The following CIRSR variants were observed in gnomAD, a reference collection of about 807,000 sequenced individuals.
CIRSR encodes the protein corepressor of RBPJ and splicing regulator.
chr2:174,368,235 TAATAG>T, the CIRSR span, among the ~76,000 whole-genome samples: 53,065 of 151,904 alleles, frequency 0.35, 10,599 homozygotes, highest in Non-Finnish European at 0.47. Context: ...GTACTAACAT[TAATAG>T]AATACTTCCT....
the CIRSR span, among the ~76,000 whole-genome samples, chr2:174,383,715 G>A: frequency 1.1e-4 from 10 of 93,486 alleles, no homozygotes; most frequent in African/African-American, 2.6e-4. Flanking sequence ...GTGAGACTCC[G>A]TCTCAAAAAA....
chr2:174,384,741 T>A, the CIRSR span, among the ~76,000 whole-genome samples: 72,691 of 150,836 alleles, frequency 0.48, 17,940 homozygotes, highest in Middle Eastern at 0.63. Context: ...TGAAAAAAAA[T>A]AATAATAAAA....
At chr2:174,348,698 C>T in the CIRSR span, 1 of 1,614,212 alleles carries the variant, frequency 6.2e-7, no homozygotes. Context: ...GGCTCCTTTC[C>T]TCCCTGCCGT....
chr2:174,357,604 G>A, the CIRSR span, among the ~76,000 whole-genome samples: 4 of 152,092 alleles, frequency 2.6e-5, no homozygotes, highest in African/African-American at 4.8e-5. Context: ...TATATCTAGC[G>A]AATAAGCCAG....
the CIRSR span, among the ~76,000 whole-genome samples, chr2:174,374,244 C>G: frequency 6.6e-6 from 1 of 152,186 alleles, no homozygotes; most frequent in Non-Finnish European, 1.5e-5. Flanking sequence ...GTCAACCTTT[C>G]TTTCTACCTA....
the CIRSR span, chr2:174,348,236 CA>C: frequency 2.6e-6 from 1 of 390,940 alleles, no homozygotes; most frequent in African/African-American, 2.1e-5. Flanking sequence ...GTATGGGGAA[CA>C]AGAAACAGTT....
chr2:174,349,499 A>G, the CIRSR span, among the ~76,000 whole-genome samples: 3 of 141,272 alleles, frequency 2.1e-5, no homozygotes, highest in African/African-American at 7.8e-5. Context: ...CGGGAGGCGG[A>G]GGTTGCAGTG....
chr2:174,381,666 A>G, the CIRSR span: 3 of 1,530,312 alleles, frequency 2.0e-6, no homozygotes, highest in South Asian at 2.4e-5. Flanking sequence ...CAGAAAAAAA[A>G]AAAAGAAAGA....
the CIRSR span, among the ~76,000 whole-genome samples, chr2:174,355,288 T>C: frequency 2.0e-5 from 3 of 152,226 alleles, no homozygotes; most frequent in Admixed American, 6.5e-5. Flanking sequence ...GCCTTAATAA[T>C]TTCAATTATA....
chr2:174,380,619 A>G, the CIRSR span: 3 of 1,581,014 alleles, frequency 1.9e-6, no homozygotes, highest in South Asian at 2.3e-5. Flanking sequence ...TTAATGATAC[A>G]TATCTTGTCT....
the CIRSR span, among the ~76,000 whole-genome samples, chr2:174,371,673 T>C: frequency 1.4e-4 from 21 of 152,258 alleles, no homozygotes; most frequent in Non-Finnish European, 2.4e-4. Context: ...TGCTGGTCTC[T>C]GTAAACCTCA....
chr2:174,348,994 CTTTA>C, the CIRSR span: 3 of 1,591,590 alleles, frequency 1.9e-6, no homozygotes, highest in Non-Finnish European at 2.6e-6. Flanking sequence ...ATTTTTTTTT[CTTTA>C]TTGTTACTCT....
the CIRSR span, among the ~76,000 whole-genome samples, chr2:174,370,883 C>A: frequency 6.7e-6 from 1 of 149,544 alleles, no homozygotes; most frequent in Non-Finnish European, 1.5e-5. Context: ...TGCAATCCAT[C>A]CTGGGTGACA....
At chr2:174,370,970 T>TCA in the CIRSR span, among the ~76,000 whole-genome samples, 843 of 151,698 alleles carry the variant, frequency 5.6e-3, 18 homozygotes, top group East Asian at 8.3e-3. Context: ...GGGGCAGGTA[T>TCA]CAGTGGTTTT....
chr2:174,379,463 T>C, the CIRSR span, among the ~76,000 whole-genome samples: 3 of 152,176 alleles, frequency 2.0e-5, no homozygotes, highest in African/African-American at 4.8e-5. Context: ...GGGACAGATG[T>C]TGTCTATTCT....
At chr2:174,354,671 T>A in the CIRSR span, among the ~76,000 whole-genome samples, 5 of 96,820 alleles carry the variant, frequency 5.2e-5, no homozygotes, top group South Asian at 2.4e-4. Context: ...TAATATATAT[T>A]ATATATTTTA....
the CIRSR span, among the ~76,000 whole-genome samples, chr2:174,354,408 AT>A: frequency 5.4e-5 from 5 of 92,176 alleles, no homozygotes; most frequent in South Asian, 2.8e-4. Flanking sequence ...TATTTTATAT[AT>A]TATATATAAT....
At chr2:174,361,368 A>G in the CIRSR span, among the ~76,000 whole-genome samples, 3 of 152,222 alleles carry the variant, frequency 2.0e-5, no homozygotes, top group Non-Finnish European at 2.9e-5. Context: ...TTCAGGTAGG[A>G]TTGCCAGAAG....
chr2:174,363,177 G>A, the CIRSR span, among the ~76,000 whole-genome samples: 1 of 152,182 alleles, frequency 6.6e-6, no homozygotes, highest in Non-Finnish European at 1.5e-5. Flanking sequence ...CACAAGCACA[G>A]GCTCACTGAA....
Sources: allele counts gnomAD v4.1 joint callset (sites outside exome capture counted in the v4.1 genomes callset), GRCh38; gene constraint gnomAD v4.1.1; transcripts MANE v1.5; gene names NCBI Gene and HGNC (gene_info 2026-07-23, HGNC 2026-07-21).